DLGAP2: variants seen among roughly 807,000 people sequenced by gnomAD.
DLGAP2 encodes disks large-associated protein 2.
A neutral mutation model predicts 100.3 loss-of-function variants in DLGAP2; 26 were observed. That is an observed-to-expected ratio of 0.26 (90% CI 0.19 to 0.36). DLGAP2 has a LOEUF of 0.36. DLGAP2 is among the 10% of genes least tolerant of loss of function. The probability of loss-of-function intolerance (pLI) is 1.00; values close to 1 mark genes in which losing one functional copy is unlikely to be tolerated. For synonymous variants in DLGAP2, 886 were observed against 630.1 expected (o/e 1.41, Z -6.08); for missense variants, 1,858 against 1,453.2 (o/e 1.28, Z -4.53).
chr8:849,228 G>T (rs1051163018), intron 1 of DLGAP2, among the ~76,000 whole-genome samples: 1 of 152,192 alleles, frequency 6.6e-6, no homozygotes, highest in African/African-American at 2.4e-5. Flanking sequence ...CGTGGTGTGT[G>T]TTCCAGCATA....
intron 4 of DLGAP2, among the ~76,000 whole-genome samples, chr8:1,509,885 C>T (rs1041024824): frequency 1.3e-5 from 2 of 152,118 alleles, no homozygotes; most frequent in Non-Finnish European, 2.9e-5. Flanking sequence ...ATCACCTGTC[C>T]AGGTTTAAAG....
intron 2 of DLGAP2, among the ~76,000 whole-genome samples, chr8:1,054,881 C>G (rs1014278158): frequency 6.6e-6 from 1 of 152,196 alleles, no homozygotes; most frequent in Non-Finnish European, 1.5e-5. Context: ...TTCATTAATG[C>G]TTTGTGTTTG....
chr8:1,132,951 C>T (rs1796327535), intron 2 of DLGAP2, among the ~76,000 whole-genome samples: 1 of 152,162 alleles, frequency 6.6e-6, no homozygotes, highest in South Asian at 2.1e-4. Context: ...CTTACTTTCT[C>T]CAAGGCCCTC....
intron 8 of DLGAP2, among the ~76,000 whole-genome samples, chr8:1,662,093 G>C (rs1473425912): frequency 6.6e-6 from 1 of 152,218 alleles, no homozygotes; most frequent in Non-Finnish European, 1.5e-5. Context: ...GGTCATGAGG[G>C]ATGAACTGAT....
At position 1,341,095 on chromosome 8, in the gene DLGAP2, G is replaced by T. The variant is rs199658604; in HGVS notation, c.106+82212G>T. ...TGGGACCTGTGGGAGGAGGAGGGTG[G>T]GAGGAGGGAGAGGATCAGGAAAGTA... is the stretch of plus-strand genomic sequence containing the variant. On this transcript the variant is annotated intron_variant, in intron 3 of 14. Transcript: ENST00000637795. Among the ~76,000 whole-genome samples the T allele has an allele frequency of 2.0e-5, 3 of 152,212 alleles. No homozygotes were observed. In the East Asian group the frequency reaches 5.8e-4, roughly 29 times the overall value.
intron 3 of DLGAP2, among the ~76,000 whole-genome samples, chr8:1,440,220 A>C: frequency 6.6e-6 from 1 of 152,210 alleles, no homozygotes; most frequent in East Asian, 1.9e-4. Flanking sequence ...CATAGCCCTA[A>C]ATTGTGGTAT....
intron 4 of DLGAP2, among the ~76,000 whole-genome samples, chr8:1,504,449 C>G (rs73672747): frequency 0.028 from 4,292 of 152,176 alleles, 199 homozygotes; most frequent in African/African-American, 0.096. Flanking sequence ...TTCAAGTAAA[C>G]AAACCATTTA....
At chr8:1,025,030 CCT>C (rs796560682) in intron 2 of DLGAP2, among the ~76,000 whole-genome samples, 5 of 151,984 alleles carry the variant, frequency 3.3e-5, no homozygotes, top group African/African-American at 1.2e-4. Flanking sequence ...TCTGCTCCCC[CCT>C]CTCCTGTGTG....
At chr8:1,251,826 A>G (rs1799047131) in intron 2 of DLGAP2, among the ~76,000 whole-genome samples, 1 of 152,158 alleles carries the variant, frequency 6.6e-6, no homozygotes, top group Non-Finnish European at 1.5e-5. Context: ...TTGCACGGCC[A>G]TGTCCTGTAG....
chr8:1,292,640 A>C (rs1352877871), intron 3 of DLGAP2, among the ~76,000 whole-genome samples: 1 of 152,220 alleles, frequency 6.6e-6, no homozygotes, highest in Non-Finnish European at 1.5e-5. Context: ...ATATTCTGTT[A>C]CCCAATGTAA....
chr8:1,549,435 C>A lies in DLGAP2; in HGVS notation c.982C>A (p.Pro328Thr). ...CCTGGGCCCCGTGGCCCACTGCTAC[C>A]CCGACGCGCTGCAGAGCCCCTTCGG... ...HHLGPVAHCY[P>T]DALQSPFGDL... The change falls in exon 5 of 15, where the codon CCC becomes ACC. Residue 328 changes from proline (P) to threonine (T), a missense_variant. Physicochemically the swap from Pro to Thr is conservative, Grantham distance 38 (BLOSUM62 -1). Coordinates refer to ENST00000637795, the MANE Select transcript of DLGAP2 (RefSeq NM_001346810.2). 1 of 1,613,482 alleles carries A rather than the reference C, an allele frequency of 6.2e-7. No individual in the cohort carries two copies.
At chr8:1,078,817 C>T (rs188878521) in intron 2 of DLGAP2, among the ~76,000 whole-genome samples, 162 of 152,288 alleles carry the variant, frequency 1.1e-3, no homozygotes, top group African/African-American at 3.7e-3. Flanking sequence ...TGAAGGACAT[C>T]GCAGTTGCTT....
chr8:1,008,364 T>C (rs1331412982), intron 2 of DLGAP2, among the ~76,000 whole-genome samples: 1 of 152,222 alleles, frequency 6.6e-6, no homozygotes. Context: ...AGCCAGGAAA[T>C]AGTGAAAACT....
chr8:1,678,711 A>G (rs887069595), intron 12 of DLGAP2, 82 bp downstream of exon 12: 3 of 1,366,284 alleles, frequency 2.2e-6, no homozygotes, highest in South Asian at 3.7e-5. Context: ...TTAGTGGAGA[A>G]AAGTTCCTCC....
chr8:1,027,420 TGTTA>T, intron 2 of DLGAP2, among the ~76,000 whole-genome samples: 1 of 119,936 alleles, frequency 8.3e-6, no homozygotes, highest in African/African-American at 3.2e-5. Context: ...GCTCGGTGCC[TGTTA>T]TTCTCCAGGT....
rs549701731 is a variant in DLGAP2 at position 1,227,337 on chromosome 8, TA to T, written c.74-31513del. On this transcript the variant is annotated intron_variant, in intron 2 of 14. Coordinates refer to ENST00000637795, the MANE Select transcript of DLGAP2 (RefSeq NM_001346810.2). Reference sequence around the variant, plus strand: ...TCATTGTTGGTTTAAAGTCTGTTTTTATTTTTTTTTTCTGAAATAAGAATAG... The same window carrying T: ...TCATTGTTGGTTTAAAGTCTGTTTTTTTTTTTTTTTCTGAAATAAGAATAG... Among the ~76,000 whole-genome samples the T allele has an allele frequency of 4.3e-3, 644 of 151,228 alleles. 4 individuals are homozygous for T. The highest frequency in any genetic ancestry group is 7.6e-3 in the Non-Finnish European group (515 of 67,856).
chr8:846,424 A>G (rs961858936), intron 1 of DLGAP2, among the ~76,000 whole-genome samples: 2 of 152,204 alleles, frequency 1.3e-5, no homozygotes, highest in Admixed American at 6.5e-5. Flanking sequence ...TTCACTTAAC[A>G]TATGTCCTTT....
rs1355712158 is a variant in DLGAP2, at chr8:1,703,792, T to G, written c.*2386T>G. ...TTCTTATGTTTTGTAGACTCATTGT[T>G]ATTTTTCAATCCCCAAAAGTCTTGG... On this transcript the variant is annotated 3_prime_UTR_variant, in exon 15 of 15. Coordinates refer to ENST00000637795, the MANE Select transcript of DLGAP2 (RefSeq NM_001346810.2). The G allele has an allele frequency of 6.6e-6, 1 of 152,570 alleles. No individual in the cohort carries two copies. Among genetic ancestry groups the G allele is most frequent in the Non-Finnish European group, 1.5e-5 (1 of 68,040 alleles). The allele number at this position is 152,570 out of a possible 1,614,324, so 9.5% of individuals were successfully genotyped here. A position where few individuals can be genotyped will look rare whatever the true frequency, so the allele number is the denominator to read the frequency against.
chr8:1,414,138 A>G lies in DLGAP2; in HGVS notation c.107-87228A>G, dbSNP rs117178185. Among the ~76,000 whole-genome samples, 926 of 152,292 alleles carry G rather than the reference A, an allele frequency of 6.1e-3. 8 individuals are homozygous for G. The highest frequency in any genetic ancestry group is 0.011 in the Non-Finnish European group (720 of 68,034). On this transcript the variant is annotated intron_variant, in intron 3 of 14. Coordinates refer to ENST00000637795, the MANE Select transcript of DLGAP2 (RefSeq NM_001346810.2). ...GAGTTGCAGGCTGTTGAGAAAGTGAAGTGTTCAGGGTTGGGGGGAGTTGTC... is the reference window on the plus strand; with the variant it reads ...GAGTTGCAGGCTGTTGAGAAAGTGAGGTGTTCAGGGTTGGGGGGAGTTGTC...
Sources: allele counts gnomAD v4.1 joint callset (sites outside exome capture counted in the v4.1 genomes callset), GRCh38; gene constraint gnomAD v4.1.1; transcripts MANE v1.5; gene names NCBI Gene and HGNC (gene_info 2026-07-23, HGNC 2026-07-21).